PRDM5: variants seen among roughly 807,000 people sequenced by gnomAD.
PRDM5 encodes PR domain zinc finger protein 5.
In PRDM5, 56 loss-of-function variants were observed where a neutral mutation model predicts 81.2. That is an observed-to-expected ratio of 0.69 (90% CI 0.56 to 0.86). PRDM5 has a LOEUF of 0.86. PRDM5 is among the 40% of genes least tolerant of loss of function. The pLI is 0.00. For missense variants in PRDM5, 697 were observed against 770.1 expected, an observed-to-expected ratio of 0.91 and a Z score of 1.12; for synonymous variants, 267 against 256.4, an observed-to-expected ratio of 1.04 and a Z score of -0.39.
intron 8 of PRDM5, among the ~76,000 whole-genome samples, chr4:120,803,292 T>C (rs1364699798): frequency 6.6e-6 from 1 of 152,138 alleles, no homozygotes; most frequent in Non-Finnish European, 1.5e-5. Context: ...TGCAGGATAT[T>C]ATCCAGGAGA....
intron 14 of PRDM5, among the ~76,000 whole-genome samples, chr4:120,717,114 T>C (rs896981523): frequency 1.3e-5 from 2 of 151,958 alleles, no homozygotes; most frequent in Non-Finnish European, 2.9e-5. Context: ...GAGTGGAATA[T>C]GTAGTATAAA....
At chr4:120,690,672 G>A (rs12512640), downstream of PRDM5, among the ~76,000 whole-genome samples, 37,220 of 151,940 alleles carry the variant, frequency 0.24, 5,306 homozygotes, top group East Asian at 0.61. Context: ...AGTGATTCAC[G>A]TATCCATTGT....
chr4:120,908,516 GAAC>G (rs1766102345), intron 1 of PRDM5, among the ~76,000 whole-genome samples: 1 of 152,138 alleles, frequency 6.6e-6, no homozygotes, highest in Non-Finnish European at 1.5e-5. Context: ...ATTACTTAAT[GAAC>G]AACAGAACAC....
rs1372324205 is a variant in PRDM5 at position 120,695,232 on chromosome 4, TG to T, written c.1771del (p.His591ThrfsTer3). On this transcript the variant is annotated frameshift_variant, in exon 16 of 16. Transcript: ENST00000264808. LOFTEE classifies it high-confidence loss of function. ...AFSLKKMLIR[H>X]KMTHNPNRPL... ...ACGATTGGGATTATGAGTCATCTTGTGTCGAATCAGCATTTTCTTCAGGCTA... is the reference window on the plus strand; with the variant it reads ...ACGATTGGGATTATGAGTCATCTTGTTCGAATCAGCATTTTCTTCAGGCTA... 6.2e-7 allele frequency: 1 copy of T among 1,613,478 alleles called. No homozygotes were observed. Among genetic ancestry groups the T allele is most frequent in the African/African-American group, 1.3e-5 (1 of 74,910 alleles).
At chr4:120,714,577 G>A (rs554145519) in intron 14 of PRDM5, among the ~76,000 whole-genome samples, 2 of 151,926 alleles carry the variant, frequency 1.3e-5, no homozygotes, top group Non-Finnish European at 2.9e-5. Context: ...AAATATTCTA[G>A]GCATTTATAT....
At chr4:120,722,654 T>A (rs1325614681) in intron 14 of PRDM5, among the ~76,000 whole-genome samples, 2 of 152,148 alleles carry the variant, frequency 1.3e-5, no homozygotes, top group African/African-American at 2.4e-5. Flanking sequence ...TGATTCTGAT[T>A]TGCAGACGCA....
At chr4:120,884,231 A>T (rs1372190200) in intron 2 of PRDM5, among the ~76,000 whole-genome samples, 1 of 152,190 alleles carries the variant, frequency 6.6e-6, no homozygotes, top group Non-Finnish European at 1.5e-5. Context: ...AAAAAAAATA[A>T]TGTGGGACAT....
chr4:120,796,723 A>C (rs1751398751), intron 10 of PRDM5, among the ~76,000 whole-genome samples: 1 of 152,242 alleles, frequency 6.6e-6, no homozygotes, highest in Admixed American at 6.5e-5. Context: ...TTCTTTGGTA[A>C]ATCTGCCTTT....
intron 3 of PRDM5, among the ~76,000 whole-genome samples, chr4:120,825,965 G>A (rs1365296770): frequency 1.3e-5 from 2 of 152,062 alleles, no homozygotes; most frequent in Non-Finnish European, 2.9e-5. Context: ...AACTAGGATA[G>A]TTGGATACCT....
At chr4:120,832,637 T>C (rs925832494) in intron 3 of PRDM5, among the ~76,000 whole-genome samples, 5 of 152,148 alleles carry the variant, frequency 3.3e-5, no homozygotes, top group African/African-American at 1.2e-4. Context: ...TGTGACACTT[T>C]GCTCACTGAA....
Position 120,747,392 on chromosome 4 carries a change from A to C in PRDM5, c.1623+7161T>G, listed in dbSNP as rs533368686. ...TGGCACATGTATACATATGTAACTA[A>C]CTTGCACAATGTGCACATGTACCCT... is the stretch of plus-strand genomic sequence containing the variant. On this transcript the variant is annotated intron_variant, in intron 14 of 15. Transcript: ENST00000264808. 5.9e-4 allele frequency among the ~76,000 whole-genome samples: 89 copies of C among 152,122 alleles called. 1 individual carries two copies. The highest frequency in any genetic ancestry group is 3.4e-3 in the Middle Eastern group (1 of 294).
chr4:120,886,965 A>ATTT, intron 2 of PRDM5, among the ~76,000 whole-genome samples: 1 of 146,794 alleles, frequency 6.8e-6, no homozygotes, highest in Admixed American at 6.9e-5. Context: ...TTTTTTTATG[A>ATTT]GATGAAGTCT....
chr4:120,802,895 G>A (rs532085738), intron 8 of PRDM5, among the ~76,000 whole-genome samples: 9 of 152,194 alleles, frequency 5.9e-5, no homozygotes, highest in African/African-American at 1.9e-4. Flanking sequence ...GGCTTCAGAC[G>A]ATCAAACTTC....
chr4:120,756,250 A>G (rs1744722479), intron 13 of PRDM5, among the ~76,000 whole-genome samples: 1 of 152,114 alleles, frequency 6.6e-6, no homozygotes, highest in Admixed American at 6.5e-5. Flanking sequence ...TCTAACAGGT[A>G]CCCTCCTTTG....
At chr4:120,854,774 C>G (rs550284207) in intron 2 of PRDM5, among the ~76,000 whole-genome samples, 45 of 151,960 alleles carry the variant, frequency 3.0e-4, no homozygotes, top group African/African-American at 1.1e-3. Flanking sequence ...TTCCATGAGG[C>G]CATCAGGAAA....
At chr4:120,765,872 G>A (rs945546323) in intron 13 of PRDM5, among the ~76,000 whole-genome samples, 2 of 151,892 alleles carry the variant, frequency 1.3e-5, no homozygotes, top group Non-Finnish European at 2.9e-5. Context: ...AGTATCACAT[G>A]CTTACATTGT....
chr4:120,737,029 G>C lies in PRDM5; in HGVS notation c.1623+17524C>G, dbSNP rs1486523050. On this transcript the variant is annotated intron_variant, in intron 14 of 15. Coordinates refer to ENST00000264808, the MANE Select transcript of PRDM5 (RefSeq NM_018699.4). ...GCAATAAGTAGGAGAGTTAAGGCTT[G>C]AGCTTGAAGAATTGTACATAGTCCA... 2.0e-5 allele frequency among the ~76,000 whole-genome samples: 3 copies of C among 152,144 alleles called. No homozygotes were observed. The East Asian group carries it at 5.8e-4, about 29-fold the overall frequency.
At chr4:120,697,423 C>T (rs935960535) in intron 15 of PRDM5, among the ~76,000 whole-genome samples, 1 of 151,976 alleles carries the variant, frequency 6.6e-6, no homozygotes, top group Non-Finnish European at 1.5e-5. Flanking sequence ...GTGAAAATTA[C>T]AAATGACTTA....
chr4:120,878,574 T>C (rs1265655388), intron 2 of PRDM5, among the ~76,000 whole-genome samples: 1 of 152,194 alleles, frequency 6.6e-6, no homozygotes, highest in East Asian at 1.9e-4. Context: ...AGTTTGACTT[T>C]ATTAAAATTA....
Sources: gnomAD v4.1 joint callset for allele counts (sites outside exome capture counted in the v4.1 genomes callset) on GRCh38, gnomAD v4.1.1 for gene constraint, MANE v1.5 for transcripts, NCBI Gene and HGNC (gene_info 2026-07-23, HGNC 2026-07-21) for gene names.